Variants in RIC1 observed in about 807,000 individuals in gnomAD.
RIC1 encodes RIC1 partner of RAB6A GEF complex.
Under a neutral mutation model 169.0 loss-of-function variants are expected in RIC1, and 88 were observed. The ratio of observed to expected loss-of-function variants is 0.52; its 90% CI spans 0.44 to 0.62. The LOEUF (loss-of-function observed/expected upper bound fraction) is 0.62, where lower values mean the gene tolerates loss of function less well. RIC1 is among the 20% of genes least tolerant of loss of function. The pLI, the probability that RIC1 is intolerant of heterozygous loss-of-function variation, is 0.00. For missense variants in RIC1, 1,877 were observed against 1,725.5 expected (o/e 1.09, Z -1.56); for synonymous variants, 790 against 601.5 (o/e 1.31, Z -4.59).
intron 4 of RIC1, among the ~76,000 whole-genome samples, chr9:5,714,402 T>G (rs1563920868): frequency 6.6e-6 from 1 of 152,152 alleles, no homozygotes; most frequent in Non-Finnish European, 1.5e-5. Context: ...AAGTTACACT[T>G]TTTCATCCAA....
At chr9:5,773,374 G>C (rs1029012555) in intron 25 of RIC1, among the ~76,000 whole-genome samples, 1 of 152,094 alleles carries the variant, frequency 6.6e-6, no homozygotes, top group Non-Finnish European at 1.5e-5. Flanking sequence ...AATTAGACTG[G>C]AACTTCAGAT....
chr9:5,680,623 A>G (rs1275102692), intron 2 of RIC1, among the ~76,000 whole-genome samples: 1 of 151,958 alleles, frequency 6.6e-6, no homozygotes, highest in African/African-American at 2.4e-5. Context: ...TAGATTTTCT[A>G]GTTTATTTGT....
At chr9:5,738,335 A>C (rs981121855) in intron 7 of RIC1, 115 bp from the exon 8 acceptor site, 3 of 677,306 alleles carry the variant, frequency 4.4e-6, no homozygotes, top group Non-Finnish European at 7.6e-6. Context: ...ACTTATTGAC[A>C]AAGTGGTTTT....
intron 5 of RIC1, 94 bp from the exon 6 acceptor site, chr9:5,720,520 T>C: frequency 7.7e-7 from 1 of 1,302,320 alleles, no homozygotes; most frequent in Non-Finnish European, 1.1e-6. Context: ...TCATTATTTT[T>C]ACCCTTTTAA....
chr9:5,734,215 T>A (rs1824554740), intron 7 of RIC1, among the ~76,000 whole-genome samples: 1 of 151,866 alleles, frequency 6.6e-6, no homozygotes, highest in Non-Finnish European at 1.5e-5. Context: ...CAAGTGATTC[T>A]CCTGTCTTAG....
chr9:5,753,907 G>C (rs1412748022), intron 14 of RIC1, among the ~76,000 whole-genome samples: 1 of 152,038 alleles, frequency 6.6e-6, no homozygotes. Flanking sequence ...TTAGCCTGAG[G>C]ATTTATTCTT....
chr9:5,693,275 C>A (rs1283230331), intron 3 of RIC1, among the ~76,000 whole-genome samples: 1 of 152,106 alleles, frequency 6.6e-6, no homozygotes, highest in Admixed American at 6.5e-5. Context: ...TCTAGAGTAT[C>A]TTAACTTCCC....
chr9:5,756,525 T>C (rs1415562102), intron 16 of RIC1, among the ~76,000 whole-genome samples, 153 bp downstream of exon 16: 2 of 152,102 alleles, frequency 1.3e-5, no homozygotes, highest in East Asian at 1.9e-4. Flanking sequence ...ATTAGTGATA[T>C]TGATATAATA....
At chr9:5,735,649 C>A (rs1485672545) in intron 7 of RIC1, among the ~76,000 whole-genome samples, 4 of 152,216 alleles carry the variant, frequency 2.6e-5, no homozygotes, top group Non-Finnish European at 4.4e-5. Flanking sequence ...TCTGCCAACA[C>A]TTATCAGGAC....
intron 11 of RIC1, 115 bp from the exon 12 acceptor site, chr9:5,747,187 C>T (rs10815278): frequency 0.32 from 228,427 of 721,878 alleles, 38,729 homozygotes; most frequent in African/African-American, 0.54. Context: ...CATCGAGATA[C>T]ATGTACATTT....
intron 2 of RIC1, among the ~76,000 whole-genome samples, chr9:5,665,779 A>T (rs1819716552): frequency 6.6e-6 from 1 of 152,128 alleles, no homozygotes; most frequent in Non-Finnish European, 1.5e-5. Flanking sequence ...GAGGGCTGCA[A>T]AACAGCAAAG....
At chr9:5,666,067 A>G (rs1586907561) in intron 2 of RIC1, among the ~76,000 whole-genome samples, 1 of 151,920 alleles carries the variant, frequency 6.6e-6, no homozygotes, top group East Asian at 1.9e-4. Flanking sequence ...CTACCCCACC[A>G]CTCAGGTATA....
chr9:5,649,768 T>G (rs1018653328), intron 1 of RIC1, among the ~76,000 whole-genome samples: 11 of 152,204 alleles, frequency 7.2e-5, no homozygotes, highest in African/African-American at 2.4e-4. Flanking sequence ...ACTTGTATAC[T>G]TACAAGTTGA....
intron 7 of RIC1, among the ~76,000 whole-genome samples, chr9:5,734,035 A>G (rs1824539274): frequency 1.4e-5 from 2 of 147,312 alleles, no homozygotes. Flanking sequence ...TATAATGTAT[A>G]TATTTTAGAT....
In RIC1 at chr9:5,773,959, C is replaced by A; in HGVS notation, c.3985C>A (p.Pro1329Thr). The A allele has an allele frequency of 6.3e-7, 1 of 1,597,026 alleles. No homozygotes were observed. The highest frequency in any genetic ancestry group is 8.5e-7 in the Non-Finnish European group (1 of 1,172,594). The change falls in exon 26 of 26, where the codon CCT becomes ACT. Residue 1329 changes from proline to threonine, a missense_variant and splice_region_variant. Around this residue, in one of 3 missense-constraint regions of RIC1, gnomAD observed 681 missense variants for 582.0 expected, o/e 1.17. Coordinates refer to ENST00000414202, the MANE Select transcript of RIC1 (RefSeq NM_020829.4). ...CTAATGTTTTTTTTCTCTACATAGT[C>A]CTGGATATAAGCCATTTTTAAACAT... ...AVDRWASTDC[P>T]GYKPFLNIIK...
chr9:5,660,626 T>A (rs1026009606), intron 2 of RIC1, among the ~76,000 whole-genome samples: 2 of 152,244 alleles, frequency 1.3e-5, no homozygotes, highest in African/African-American at 4.8e-5. Flanking sequence ...TTTTAAAATG[T>A]ATTTGTTGGC....
At chr9:5,709,677 C>G (rs1453185369) in intron 3 of RIC1, among the ~76,000 whole-genome samples, 3 of 152,182 alleles carry the variant, frequency 2.0e-5, no homozygotes, top group Non-Finnish European at 4.4e-5. Flanking sequence ...TTCCAGTCAT[C>G]TGATGCTGTA....
intron 2 of RIC1, among the ~76,000 whole-genome samples, chr9:5,683,168 G>C (rs1229945342): frequency 6.6e-6 from 1 of 152,184 alleles, no homozygotes; most frequent in Non-Finnish European, 1.5e-5. Context: ...TTTCCATCAA[G>C]CTTTGTTACA....
chr9:5,778,193 T>G (rs747277374), downstream of RIC1, among the ~76,000 whole-genome samples: 1 of 152,026 alleles, frequency 6.6e-6, no homozygotes, highest in Non-Finnish European at 1.5e-5. Flanking sequence ...ATTGCTACTG[T>G]AAAAAAAATG....
Sources: allele counts gnomAD v4.1 joint callset (sites outside exome capture counted in the v4.1 genomes callset), GRCh38; gene constraint gnomAD v4.1.1; regional missense constraint gnomAD v4.1.1; transcripts MANE v1.5; gene names NCBI Gene and HGNC (gene_info 2026-07-23, HGNC 2026-07-21).